TG: variants seen among roughly 807,000 people sequenced by gnomAD.
TG encodes thyroid hormones.
A neutral mutation model predicts 324.7 loss-of-function variants in TG; 270 were observed. The observed-to-expected ratio is 0.83, with a 90% CI of 0.75 to 0.92. TG has a LOEUF of 0.92. Among genes scored for constraint, TG ranks in the 40% least tolerant of loss-of-function variants. TG has a pLI of 0.00. For synonymous variants in TG, 1,401 were observed against 1,327.0 expected (o/e 1.06, Z -1.21); for missense variants, 3,591 against 3,456.4 (o/e 1.04, Z -0.98).
At chr8:132,902,595 T>C (rs1338770469) in intron 16 of TG, among the ~76,000 whole-genome samples, 7 of 152,206 alleles carry the variant, frequency 4.6e-5, no homozygotes, top group Non-Finnish European at 8.8e-5. Context: ...TATCATCTGC[T>C]ATCACTATGC....
At chr8:133,050,526 C>T (rs975561092) in intron 41 of TG, 5 of 347,124 alleles carry the variant, frequency 1.4e-5, no homozygotes, top group Non-Finnish European at 2.7e-5. Flanking sequence ...CAACACTGCA[C>T]ATGTGGTGGG....
At chr8:133,050,667 A>G (rs2252807) in intron 41 of TG, 451,680 of 613,118 alleles carry the variant, frequency 0.74, 167,318 homozygotes, top group African/African-American at 0.82. Context: ...TTAAAGAGGA[A>G]GGTTGCAGTA....
chr8:132,945,067 G>A (rs1490819244), intron 26 of TG, among the ~76,000 whole-genome samples: 1 of 152,164 alleles, frequency 6.6e-6, no homozygotes, highest in Admixed American at 6.5e-5. Context: ...TTCTAATAAC[G>A]ACTGGAAGCC....
At chr8:133,049,923 C>A in intron 41 of TG, 1 of 1,612,530 alleles carries the variant, frequency 6.2e-7, no homozygotes, top group South Asian at 1.1e-5. Flanking sequence ...TCTGGCCACA[C>A]ATATTCCAGG....
chr8:132,905,393 TA>T (rs1162493027), intron 16 of TG, among the ~76,000 whole-genome samples: 20 of 152,244 alleles, frequency 1.3e-4, no homozygotes, highest in African/African-American at 4.3e-4. Context: ...CCATTGCCCT[TA>T]TCACAAAAAA....
At chr8:132,997,289 T>C (rs1198323548) in intron 35 of TG, among the ~76,000 whole-genome samples, 1 of 152,006 alleles carries the variant, frequency 6.6e-6, no homozygotes, top group Non-Finnish European at 1.5e-5. Flanking sequence ...GGAAGTGAGA[T>C]TATGTGTTCA....
At position 132,888,093 on chromosome 8, in the gene TG, G is replaced by T; in HGVS notation, c.2286G>T (p.Gln762His). The T allele has an allele frequency of 6.2e-7, 1 of 1,614,140 alleles. No individual in the cohort carries two copies. Among genetic ancestry groups the T allele is most frequent in the Non-Finnish European group, 8.5e-7 (1 of 1,180,034 alleles). The part of the protein sequence containing the change: ...LPTLSDTYIP[Q>H]CSTDGQWRQV... ...CCCTTTCCGACACCTACATCCCACA[G>T]TGCAGCACCGATGGGCAGTGGAGAC... Residue 762 changes from glutamine to histidine, a missense_variant, in exon 10 of 48, where the codon CAG becomes CAT. Transcript: ENST00000220616.
intron 22 of TG, among the ~76,000 whole-genome samples, chr8:132,924,247 A>T (rs1305856024): frequency 1.3e-5 from 2 of 152,098 alleles, no homozygotes; most frequent in African/African-American, 2.4e-5. Context: ...TGAGAATCTA[A>T]TGCTGCCACT....
In TG at chr8:132,935,869, G is replaced by T; in HGVS notation, c.5041+5G>T. ...CAGCTGTGTATTTGAAAAAGGGTAG[G>T]TTGGTCAGGCTGGTTGGCTTAGGCC... On this transcript the variant is annotated splice_donor_5th_base_variant and intron_variant, in intron 25 of 47. Transcript: ENST00000220616. 1 of 1,611,674 alleles carries T rather than the reference G, an allele frequency of 6.2e-7. No individual in the cohort carries two copies. The highest frequency in any genetic ancestry group is 8.5e-7 in the Non-Finnish European group (1 of 1,179,480).
rs948823874 is a variant in TG, at chr8:133,008,205, G to A, written c.6263-3696G>A. Among the ~76,000 whole-genome samples, 4 of 152,100 alleles carry A rather than the reference G, an allele frequency of 2.6e-5. No homozygotes were observed. The East Asian group carries it at 7.7e-4, about 29-fold the overall frequency. On this transcript the variant is annotated intron_variant, in intron 35 of 47. Coordinates refer to ENST00000220616, the MANE Select transcript of TG (RefSeq NM_003235.5). ...ACCCAATGAAGCTTTCTTGAACCTTGAAATGGTAAATTTTATCCAAAAGAA... is the reference window on the plus strand; with the variant it reads ...ACCCAATGAAGCTTTCTTGAACCTTAAAATGGTAAATTTTATCCAAAAGAA...
Position 133,017,804 on chromosome 8 carries a change from T to A in TG, c.6589T>A (p.Ser2197Thr). The A allele has an allele frequency of 6.2e-7, 1 of 1,614,212 alleles. No homozygotes were observed. The highest frequency in any genetic ancestry group is 8.5e-7 in the Non-Finnish European group (1 of 1,180,046). Residue 2197 changes from serine (S) to threonine (T), a missense_variant, in exon 38 of 48, where the codon TCT (serine) becomes ACT (threonine). By Grantham distance (58) the Ser-to-Thr change is moderately conservative (BLOSUM62 1). Coordinates refer to ENST00000220616, the MANE Select transcript of TG (RefSeq NM_003235.5). ...AATCTCTCTGCTCAGCTATGAGGCA[T>A]CTGTACCTTCTGTGCCCATTTCCAC... ...PGISLLSYEA[S>T]VPSVPISTHG...
Position 133,095,141 on chromosome 8 carries a change from C to G in TG, c.7337C>G (p.Ser2446Cys), listed in dbSNP as rs1184955426. ...LAKEVSCPMS[S>C]SQEVVSCLRQ... ...AAGGAGGTCAGTTGCCCCATGTCAT[C>G]CAGCCAAGAAGTGGTGTCCTGCCTC... The change falls in exon 42 of 48, where the codon TCC becomes TGC. Residue 2446 changes from serine (S) to cysteine (C), a missense_variant. Coordinates refer to ENST00000220616, the MANE Select transcript of TG (RefSeq NM_003235.5). 4.3e-6 allele frequency: 7 copies of G among 1,614,126 alleles called. No homozygotes were observed. Among genetic ancestry groups the G allele is most frequent in the Non-Finnish European group, 5.9e-6 (7 of 1,180,044 alleles).
At chr8:133,090,812 A>C (rs1206981395) in intron 41 of TG, among the ~76,000 whole-genome samples, 1 of 152,170 alleles carries the variant, frequency 6.6e-6, no homozygotes, top group Non-Finnish European at 1.5e-5. Flanking sequence ...GCTGGAATTA[A>C]AACCCCAGTC....
intron 34 of TG, among the ~76,000 whole-genome samples, chr8:132,980,001 G>C (rs534633888): frequency 6.6e-6 from 1 of 152,092 alleles, no homozygotes; most frequent in Admixed American, 6.5e-5. Context: ...CAGGACTCAG[G>C]GAAACACTTA....
chr8:133,132,464 T>A (rs909353599), intron 46 of TG, among the ~76,000 whole-genome samples: 2 of 152,236 alleles, frequency 1.3e-5, no homozygotes, highest in Non-Finnish European at 2.9e-5. Context: ...TTTATTCACC[T>A]TGAGGCTCTT....
intron 22 of TG, among the ~76,000 whole-genome samples, chr8:132,926,443 G>C (rs1203859534): frequency 6.6e-6 from 1 of 152,220 alleles, no homozygotes; most frequent in East Asian, 1.9e-4. Flanking sequence ...ACCATTTGCA[G>C]TATCCCAGCC....
intron 45 of TG, among the ~76,000 whole-genome samples, chr8:133,118,731 A>G (rs1850908679): frequency 6.6e-6 from 1 of 152,186 alleles, no homozygotes; most frequent in Non-Finnish European, 1.5e-5. Flanking sequence ...CTCACAGTCT[A>G]TTCGAGCTGC....
Position 132,906,863 on chromosome 8 carries a change from C to A in TG, c.3810C>A (p.Arg1270=), listed in dbSNP as rs61747463. Residue 1270 remains arginine (R), a synonymous_variant, in exon 17 of 48, where the codon CGC becomes CGA. Transcript: ENST00000220616. ...TGATATGTAGCCTGGAGAGCGGACG[C>A]TGGGAGTCACAGCTGCCTCAGCCCC... ...GPLICSLESG[R]WESQLPQPRA... 5 of 1,613,676 alleles carry A rather than the reference C, an allele frequency of 3.1e-6. No individual in the cohort carries two copies. The highest frequency in any genetic ancestry group is 3.4e-6 in the Non-Finnish European group (4 of 1,179,902).
chr8:132,961,524 T>C (rs1340275981), intron 28 of TG, among the ~76,000 whole-genome samples: 2 of 151,828 alleles, frequency 1.3e-5, no homozygotes, highest in Admixed American at 1.3e-4. Flanking sequence ...TGGGACAGAG[T>C]GTGGGAAAAA....
Sources: allele counts gnomAD v4.1 joint callset (sites outside exome capture counted in the v4.1 genomes callset), GRCh38; gene constraint gnomAD v4.1.1; transcripts MANE v1.5; gene names NCBI Gene and HGNC (gene_info 2026-07-23, HGNC 2026-07-21).